Variants in ESRRG observed in about 807,000 individuals in gnomAD.
ESRRG encodes the protein estrogen-related receptor gamma.
A neutral mutation model predicts 44.0 loss-of-function variants in ESRRG; 13 were observed. That is an observed-to-expected ratio of 0.30 (90% CI 0.19 to 0.47). The LOEUF (loss-of-function observed/expected upper bound fraction) is 0.47. Among genes scored for constraint, ESRRG ranks in the 20% least tolerant of loss-of-function variants. The pLI is 1.00. For synonymous variants in ESRRG, 215 were observed against 214.6 expected (o/e 1.00, Z -0.02); for missense variants, 395 against 580.6 (o/e 0.68, Z 3.29).
At chr1:217,051,234 G>C (rs950837664) in intron 1 of ESRRG, among the ~76,000 whole-genome samples, 2 of 133,306 alleles carry the variant, frequency 1.5e-5, no homozygotes, top group Non-Finnish European at 3.1e-5. Flanking sequence ...GGAATTGTAA[G>C]ACTGGGTCAT....
intron 1 of ESRRG, among the ~76,000 whole-genome samples, chr1:216,708,024 A>G (rs918358171): frequency 6.6e-6 from 1 of 152,204 alleles, no homozygotes; most frequent in Non-Finnish European, 1.5e-5. Context: ...CTGGAAGGCA[A>G]GTGGTGTTAG....
At chr1:216,551,816 A>T (rs997719519) in intron 5 of ESRRG, among the ~76,000 whole-genome samples, 1 of 152,126 alleles carries the variant, frequency 6.6e-6, no homozygotes, top group Non-Finnish European at 1.5e-5. Flanking sequence ...CCTTTAAAGC[A>T]TCTTTAAATT....
intron 1 of ESRRG, among the ~76,000 whole-genome samples, chr1:217,100,868 C>T (rs1047062019): frequency 6.6e-6 from 1 of 152,178 alleles, no homozygotes; most frequent in African/African-American, 2.4e-5. Flanking sequence ...CCAAACACCT[C>T]CCACCTTGGG....
chr1:216,970,867 G>A (rs1257787969), intron 1 of ESRRG, among the ~76,000 whole-genome samples: 1 of 152,158 alleles, frequency 6.6e-6, no homozygotes, highest in Non-Finnish European at 1.5e-5. Context: ...GAATATATCT[G>A]GAACATAATA....
intron 3 of ESRRG, among the ~76,000 whole-genome samples, chr1:216,616,077 C>A (rs2061395700): frequency 6.6e-6 from 1 of 152,124 alleles, no homozygotes; most frequent in Non-Finnish European, 1.5e-5. Flanking sequence ...TAAAGCATCT[C>A]ACCCCATATA....
chr1:216,902,153 C>G (rs557872808), intron 2 of ESRRG, among the ~76,000 whole-genome samples: 9 of 152,186 alleles, frequency 5.9e-5, no homozygotes, highest in African/African-American at 1.7e-4. Context: ...TCTTTATTCT[C>G]TATAACAATC....
At chr1:216,567,442 AC>A in intron 4 of ESRRG, among the ~76,000 whole-genome samples, 1 of 152,250 alleles carries the variant, frequency 6.6e-6, no homozygotes, top group African/African-American at 2.4e-5. Context: ...GGAACCAGCC[AC>A]CTATGCTTGT....
intron 1 of ESRRG, among the ~76,000 whole-genome samples, chr1:217,010,751 T>C (rs2078445896): frequency 6.6e-6 from 1 of 152,124 alleles, no homozygotes; most frequent in African/African-American, 2.4e-5. Context: ...CAAGAGACTT[T>C]GAATAAAACA....
chr1:216,569,109 G>A lies in ESRRG; in HGVS notation c.590-1011C>T, dbSNP rs201013540. Reference sequence around the variant, plus strand: ...GGAAGGAAGGAAGGAAGGAAGGAAGGAAGAAGGAAGGAAGGAAGGAAGGAA... The same window carrying A: ...GGAAGGAAGGAAGGAAGGAAGGAAGAAAGAAGGAAGGAAGGAAGGAAGGAA... On this transcript the variant is annotated intron_variant, in intron 3 of 6. Transcript: ENST00000408911. Among the ~76,000 whole-genome samples the A allele has an allele frequency of 6.9e-3, 487 of 70,136 alleles. 16 individuals carry two copies. The highest frequency in any genetic ancestry group is 0.019 in the African/African-American group (408 of 21,494). 46.0% of individuals were successfully genotyped at this position (70,136 alleles called of 152,430 possible).
At chr1:216,847,664 C>T (rs1233278264) in intron 2 of ESRRG, among the ~76,000 whole-genome samples, 1 of 152,070 alleles carries the variant, frequency 6.6e-6, no homozygotes, top group Non-Finnish European at 1.5e-5. Flanking sequence ...TCTCTCTAAA[C>T]TGGGCATGTC....
At chr1:216,979,005 T>C (rs1026488783) in intron 1 of ESRRG, among the ~76,000 whole-genome samples, 5 of 152,138 alleles carry the variant, frequency 3.3e-5, no homozygotes, top group African/African-American at 1.2e-4. Context: ...TAAACAGTTA[T>C]CCAGCCTTAG....
chr1:216,643,257 T>G (rs2066821386), intron 3 of ESRRG, among the ~76,000 whole-genome samples: 1 of 152,206 alleles, frequency 6.6e-6, no homozygotes, highest in African/African-American at 2.4e-5. Flanking sequence ...TATGTAGACA[T>G]GCACAAATTG....
At chr1:216,967,173 C>G (rs1281769412) in intron 1 of ESRRG, among the ~76,000 whole-genome samples, 1 of 151,960 alleles carries the variant, frequency 6.6e-6, no homozygotes, top group African/African-American at 2.4e-5. Flanking sequence ...AGCATCGCCC[C>G]CCCTCCCCAT....
intron 1 of ESRRG, among the ~76,000 whole-genome samples, chr1:216,960,839 C>A (rs141612807): frequency 2.0e-3 from 309 of 152,210 alleles, no homozygotes; most frequent in African/African-American, 6.8e-3. Flanking sequence ...AGTCCTCCCA[C>A]CTAGTCCTCC....
chr1:216,536,861 T>C (rs1010164119), intron 5 of ESRRG, among the ~76,000 whole-genome samples: 2 of 151,950 alleles, frequency 1.3e-5, no homozygotes. Context: ...AATAAAAATA[T>C]AGCAGGCAGT....
intron 2 of ESRRG, among the ~76,000 whole-genome samples, chr1:216,763,378 C>A (rs1167299011): frequency 6.6e-6 from 1 of 152,022 alleles, no homozygotes; most frequent in East Asian, 1.9e-4. Flanking sequence ...TTGCTCTCAA[C>A]GGCAGTAGTT....
intron 3 of ESRRG, among the ~76,000 whole-genome samples, chr1:216,623,236 C>T (rs2062607934): frequency 6.6e-6 from 1 of 151,950 alleles, no homozygotes; most frequent in African/African-American, 2.4e-5. Flanking sequence ...GGGCCCACCA[C>T]CACGCCCGGC....
At chr1:216,549,103 G>A (rs1267795889) in intron 5 of ESRRG, among the ~76,000 whole-genome samples, 1 of 151,978 alleles carries the variant, frequency 6.6e-6, no homozygotes, top group Non-Finnish European at 1.5e-5. Context: ...ATAAGTAGCA[G>A]GTGCACCAAG....
At chr1:216,624,855 T>C (rs2062896302) in intron 3 of ESRRG, among the ~76,000 whole-genome samples, 1 of 152,168 alleles carries the variant, frequency 6.6e-6, no homozygotes, top group Non-Finnish European at 1.5e-5. Context: ...ACAGAGAAAG[T>C]ACTCTAAATA....
Sources: allele counts gnomAD v4.1 joint callset (sites outside exome capture counted in the v4.1 genomes callset), GRCh38; gene constraint gnomAD v4.1.1; transcripts MANE v1.5; gene names NCBI Gene and HGNC (gene_info 2026-07-23, HGNC 2026-07-21).